MAGOHB: variants seen among roughly 807,000 people sequenced by gnomAD.
MAGOHB encodes protein mago nashi homolog 2.
A neutral mutation model predicts 20.9 loss-of-function variants in MAGOHB; 15 were observed. The ratio of observed to expected loss-of-function variants is 0.72; its 90% CI spans 0.48 to 1.11. MAGOHB has a LOEUF of 1.11. MAGOHB is among the 50% of genes least tolerant of loss of function. The pLI, the probability that MAGOHB is intolerant of heterozygous loss-of-function variation, is 0.00. For missense variants in MAGOHB, 162 were observed against 177.6 expected (o/e 0.91, Z 0.50); for synonymous variants, 50 against 57.9 (o/e 0.86, Z 0.62).
chr12:10,603,282 C>T (rs367616686), downstream of MAGOHB, among the ~76,000 whole-genome samples: 1 of 146,578 alleles, frequency 6.8e-6, no homozygotes, highest in Non-Finnish European at 1.5e-5. Context: ...CCGCTGCACT[C>T]CAGCCTGGGT....
downstream of MAGOHB, among the ~76,000 whole-genome samples, chr12:10,602,972 C>A (rs1865567197): frequency 6.6e-6 from 1 of 152,112 alleles, no homozygotes. Context: ...CTAACCTCAC[C>A]CAGACAAGTT....
intron 1 of MAGOHB, chr12:10,612,855 C>G (rs1865772770): frequency 7.8e-7 from 1 of 1,288,866 alleles, no homozygotes; most frequent in Non-Finnish European, 1.0e-6. Flanking sequence ...CTGTTTTTTT[C>G]TCTCAAAGGC....
chr12:10,612,824 T>C, intron 1 of MAGOHB: 1 of 1,288,950 alleles, frequency 7.8e-7, no homozygotes, highest in Non-Finnish European at 1.0e-6. Context: ...CCTCATCCTC[T>C]GCTCATACTG....
rs768631774 is a variant in MAGOHB at position 10,609,928 on chromosome 12, T to G, written c.167A>C (p.Lys56Thr). Reference sequence around the variant, plus strand: ...TCTCTTCAGTTCTTCCATTACACTCTTGTGCACATAAGCCTAAAAATTAAT... The same window carrying G: ...TCTCTTCAGTTCTTCCATTACACTCGTGTGCACATAAGCCTAAAAATTAAT... ...VMIRKEAYVHKSVMEELKRII... is the reference protein window; with the variant it reads ...VMIRKEAYVHTSVMEELKRII... The change falls in exon 3 of 5, where the codon AAG (lysine) becomes ACG (threonine). Residue 56 changes from lysine to threonine, a missense_variant. Physicochemically the swap from Lys to Thr is moderately conservative, Grantham distance 78. Transcript: ENST00000320756. 2.5e-6 allele frequency: 4 copies of G among 1,599,190 alleles called. No individual in the cohort carries two copies. The highest frequency in any genetic ancestry group is 3.4e-6 in the Non-Finnish European group (4 of 1,170,240).
chr12:10,607,221 G>A (rs1001659776), intron 4 of MAGOHB, among the ~76,000 whole-genome samples: 4 of 152,142 alleles, frequency 2.6e-5, no homozygotes, highest in Non-Finnish European at 5.9e-5. Flanking sequence ...TAACTCTGTG[G>A]ATACAGCAAG....
downstream of MAGOHB, among the ~76,000 whole-genome samples, chr12:10,601,121 TAATA>T (rs1158637949): frequency 6.6e-6 from 1 of 152,086 alleles, no homozygotes; most frequent in Non-Finnish European, 1.5e-5. Context: ...AATGCCAAAA[TAATA>T]AATAAAGGAA....
Position 10,612,819 on chromosome 12 carries a change from T to C in MAGOHB, c.94+620A>G, listed in dbSNP as rs768390625. The stretch of plus-strand genomic sequence containing the variant: ...CTACTTGGGTAGCAGTTTCACCTCA[T>C]CCTCTGCTCATACTGCTCTGGAAGT... On this transcript the variant is annotated intron_variant, in intron 1 of 4. Transcript: ENST00000320756. The C allele has an allele frequency of 1.5e-3, 1,929 of 1,288,722 alleles. 8 individuals carry two copies. The highest frequency in any genetic ancestry group is 8.1e-3 in the Middle Eastern group (38 of 4,686). The allele number at this position is 1,288,722 out of a possible 1,614,324, so 79.8% of individuals were successfully genotyped here.
downstream of MAGOHB, among the ~76,000 whole-genome samples, chr12:10,601,287 G>GTATT (rs10670670): frequency 0.8 from 121,814 of 151,572 alleles, 49,137 homozygotes; most frequent in East Asian, 0.99. Flanking sequence ...ACATTGACAA[G>GTATT]TATTTTCGTC....
chr12:10,602,730 TTTTA>T (rs1226150538), downstream of MAGOHB, among the ~76,000 whole-genome samples: 1 of 152,202 alleles, frequency 6.6e-6, no homozygotes. Flanking sequence ...CAAAAGCCCT[TTTTA>T]TTTAGGAAAC....
intron 4 of MAGOHB, 77 bp from the exon 5 acceptor site, chr12:10,606,451 TC>T: frequency 1.3e-6 from 1 of 744,646 alleles, no homozygotes; most frequent in Non-Finnish European, 2.2e-6. Flanking sequence ...ACAAAACAAA[TC>T]AAAATCTCAT....
intron 4 of MAGOHB, among the ~76,000 whole-genome samples, chr12:10,607,450 C>T (rs1865648170): frequency 6.6e-6 from 1 of 152,134 alleles, no homozygotes; most frequent in South Asian, 2.1e-4. Context: ...CTAAAGCATA[C>T]TTAGGCCATA....
intron 1 of MAGOHB, chr12:10,612,893 A>G (rs1335690839): frequency 7.8e-7 from 1 of 1,288,976 alleles, no homozygotes; most frequent in Non-Finnish European, 1.0e-6. Flanking sequence ...GACTCATCTC[A>G]AGAGTGCCGT....
chr12:10,612,630 A>C, intron 1 of MAGOHB: 1 of 1,109,860 alleles, frequency 9.0e-7, no homozygotes, highest in East Asian at 7.1e-5. Context: ...TGTCTTACTC[A>C]TTACTGTACC....
At position 10,605,526 on chromosome 12, in the gene MAGOHB, C is replaced by T. The variant is rs1335399976; in HGVS notation, c.*749G>A. The T allele has an allele frequency of 6.6e-6, 1 of 152,058 alleles. No homozygotes were observed. The highest frequency in any genetic ancestry group is 2.4e-5 in the African/African-American group (1 of 41,404). The allele number at this position is 152,058 out of a possible 1,614,324, so 9.4% of individuals were successfully genotyped here. A position where few individuals can be genotyped will look rare whatever the true frequency, so the allele number is the denominator to read the frequency against. On this transcript the variant is annotated 3_prime_UTR_variant, in exon 5 of 5. Coordinates refer to ENST00000320756, the MANE Select transcript of MAGOHB (RefSeq NM_018048.5). ...GGGAAACTGAAGTGAGACTCGTGGT[C>T]AATAGGAGTTAAAAATATTTATGTA...
intron 4 of MAGOHB, 128 bp from the exon 5 acceptor site, chr12:10,606,502 T>C (rs879856039): frequency 4.9e-5 from 30 of 616,016 alleles, no homozygotes; most frequent in Non-Finnish European, 6.9e-5. Flanking sequence ...AGGAAGGATT[T>C]TGCTGACAAC....
At position 10,605,308 on chromosome 12, in the gene MAGOHB, C is replaced by A. The variant is rs1865606592; in HGVS notation, c.*967G>T. On this transcript the variant is annotated 3_prime_UTR_variant, in exon 5 of 5. Transcript: ENST00000320756. ...GAGCCTACCTGCTCAGGAGTCCTGG[C>A]AAGCCTTCAGAAACTAATTATTCCA... 6.6e-6 allele frequency: 1 copy of A among 152,158 alleles called. No homozygotes were observed. Among genetic ancestry groups the A allele is most frequent in the Non-Finnish European group, 1.5e-5 (1 of 68,054 alleles). The allele number at this position is 152,158 out of a possible 1,614,324, so 9.4% of individuals were successfully genotyped here. A position where few individuals can be genotyped will look rare whatever the true frequency, so the allele number is the denominator to read the frequency against.
downstream of MAGOHB, among the ~76,000 whole-genome samples, chr12:10,603,781 T>C (rs1865579052): frequency 6.6e-6 from 1 of 152,188 alleles, no homozygotes; most frequent in South Asian, 2.1e-4. Context: ...TTTACCTTTG[T>C]TGTTTATTAA....
downstream of MAGOHB, chr12:10,599,788 T>A (rs576981770): frequency 1.3e-5 from 2 of 152,280 alleles, no homozygotes; most frequent in East Asian, 3.9e-4. Context: ...ACCAACCACT[T>A]AGTACTCTTT....
Position 10,613,541 on chromosome 12 carries a change from C to A in MAGOHB, c.-9G>T, listed in dbSNP as rs377340743. The stretch of plus-strand genomic sequence containing the variant: ...TCGCTAGCCACAGCCATTTTTGTAC[C>A]CGGGAAGCCCGCCGAAAACGCAGCC... On this transcript the variant is annotated 5_prime_UTR_variant, in exon 1 of 5. Coordinates refer to ENST00000320756, the MANE Select transcript of MAGOHB (RefSeq NM_018048.5). 1.1e-5 allele frequency: 18 copies of A among 1,603,830 alleles called. No homozygotes were observed. Among genetic ancestry groups the A allele is most frequent in the Non-Finnish European group, 1.5e-5 (18 of 1,170,672 alleles).
Sources: allele counts gnomAD v4.1 joint callset (sites outside exome capture counted in the v4.1 genomes callset), GRCh38; gene constraint gnomAD v4.1.1; transcripts MANE v1.5; gene names NCBI Gene and HGNC (gene_info 2026-07-23, HGNC 2026-07-21).